ZFYVE9: variants seen among roughly 807,000 people sequenced by gnomAD.
ZFYVE9 encodes zinc finger FYVE domain-containing protein 9.
Under a neutral mutation model 126.7 loss-of-function variants are expected in ZFYVE9, and 43 were observed. That is an observed-to-expected ratio of 0.34 (90% CI 0.27 to 0.44). The LOEUF is 0.44. Among genes scored for constraint, ZFYVE9 ranks in the 20% least tolerant of loss-of-function variants. The pLI, the probability that ZFYVE9 is intolerant of heterozygous loss-of-function variation, is 1.00. For missense variants in ZFYVE9, 1,476 were observed against 1,697.0 expected (o/e 0.87, Z 2.29); for synonymous variants, 521 against 597.4 (o/e 0.87, Z 1.87).
At chr1:52,198,526 C>A (rs949973448) in intron 1 of ZFYVE9, among the ~76,000 whole-genome samples, 1 of 152,036 alleles carries the variant, frequency 6.6e-6, no homozygotes, top group Non-Finnish European at 1.5e-5. Context: ...AGAAACAATG[C>A]CCTAAATGCT....
chr1:52,343,222 G>A (rs1321607767), intron 17 of ZFYVE9, among the ~76,000 whole-genome samples: 5 of 151,736 alleles, frequency 3.3e-5, no homozygotes, highest in Admixed American at 6.6e-5. Flanking sequence ...GTGCCCGGCC[G>A]AGACAAATTA....
At chr1:52,308,051 CACAA>C (rs928087082) in intron 13 of ZFYVE9, among the ~76,000 whole-genome samples, 3 of 152,212 alleles carry the variant, frequency 2.0e-5, no homozygotes, top group Non-Finnish European at 4.4e-5. Context: ...TGTGCCCGGC[CACAA>C]ACAATTTTCC....
intron 13 of ZFYVE9, among the ~76,000 whole-genome samples, chr1:52,322,505 G>A (rs1369425992): frequency 1.3e-5 from 2 of 151,260 alleles, no homozygotes; most frequent in African/African-American, 4.9e-5. Flanking sequence ...AGCCTCCCGA[G>A]TAGCTGGGAC....
chr1:52,233,384 A>G (rs936927080), intron 3 of ZFYVE9, 108 bp downstream of exon 3: 1 of 610,788 alleles, frequency 1.6e-6, no homozygotes, highest in Non-Finnish European at 2.5e-6. Flanking sequence ...TGACTTAATG[A>G]TAGTAATATT....
intron 1 of ZFYVE9, among the ~76,000 whole-genome samples, chr1:52,184,365 T>TA (rs938461888): frequency 7.4e-5 from 11 of 148,074 alleles, no homozygotes; most frequent in African/African-American, 2.7e-4. Context: ...TAGCTGGGAG[T>TA]ACAGGCGCCT....
At chr1:52,342,343 G>A (rs916716995) in intron 17 of ZFYVE9, among the ~76,000 whole-genome samples, 1 of 144,550 alleles carries the variant, frequency 6.9e-6, no homozygotes, top group Admixed American at 7.2e-5. Flanking sequence ...TCGGCTCACT[G>A]CAAGCTCCGC....
At chr1:52,254,169 G>A in intron 4 of ZFYVE9, 1 of 633,720 alleles carries the variant, frequency 1.6e-6, no homozygotes, top group Non-Finnish European at 2.7e-6. Flanking sequence ...ATGATGTATT[G>A]TTCAATAAGG....
At chr1:52,302,594 T>C (rs1032985233) in intron 12 of ZFYVE9, among the ~76,000 whole-genome samples, 12 of 151,944 alleles carry the variant, frequency 7.9e-5, no homozygotes, top group African/African-American at 2.9e-4. Context: ...CTACTAAAAA[T>C]ACAAAAATTA....
intron 1 of ZFYVE9, among the ~76,000 whole-genome samples, chr1:52,197,371 T>C (rs1457353443): frequency 6.6e-6 from 1 of 152,148 alleles, no homozygotes; most frequent in Non-Finnish European, 1.5e-5. Flanking sequence ...ATGGAGACAT[T>C]GAGTAGGCAC....
intron 1 of ZFYVE9, among the ~76,000 whole-genome samples, chr1:52,148,488 CA>C (rs1035947679): frequency 4.0e-5 from 6 of 151,068 alleles, no homozygotes; most frequent in African/African-American, 1.5e-4. Flanking sequence ...AACTCCATCT[CA>C]AAAACAAAAA....
chr1:52,297,729 G>GTTTTGTTTTGC (rs59709396), intron 12 of ZFYVE9, among the ~76,000 whole-genome samples: 2 of 147,148 alleles, frequency 1.4e-5, no homozygotes, highest in African/African-American at 5.2e-5. Context: ...ATTTTGTTTT[G>GTTTTGTTTTGC]TTTTGTTTTT....
chr1:52,191,521 T>C (rs1160600260), intron 1 of ZFYVE9, among the ~76,000 whole-genome samples: 2 of 152,216 alleles, frequency 1.3e-5, no homozygotes, highest in African/African-American at 4.8e-5. Context: ...TAATGACATA[T>C]ATTTGTAGAA....
At chr1:52,336,947 T>TAAAAAAAAAA (rs71041896) in intron 15 of ZFYVE9, among the ~76,000 whole-genome samples, 16 of 107,844 alleles carry the variant, frequency 1.5e-4, no homozygotes, top group African/African-American at 5.1e-4. Context: ...AGTCATCTCT[T>TAAAAAAAAAA]AAAAAAAAAA....
intron 1 of ZFYVE9, among the ~76,000 whole-genome samples, chr1:52,182,808 A>G (rs986810582): frequency 3.3e-5 from 5 of 151,884 alleles, no homozygotes; most frequent in Non-Finnish European, 7.4e-5. Context: ...AAATTATAGT[A>G]TTTCCTTTAA....
chr1:52,204,458 G>T (rs541945355), intron 1 of ZFYVE9, among the ~76,000 whole-genome samples: 1 of 152,288 alleles, frequency 6.6e-6, no homozygotes, highest in East Asian at 1.9e-4. Flanking sequence ...GGCTGGGGTG[G>T]CACATGCCTG....
At chr1:52,157,504 T>A (rs1644414587) in intron 1 of ZFYVE9, among the ~76,000 whole-genome samples, 1 of 136,868 alleles carries the variant, frequency 7.3e-6, no homozygotes, top group Admixed American at 8.3e-5. Flanking sequence ...CGTGTTCAAG[T>A]GATTCTCCTG....
chr1:52,221,649 G>T (rs533244824), intron 2 of ZFYVE9, among the ~76,000 whole-genome samples: 1 of 152,200 alleles, frequency 6.6e-6, no homozygotes, highest in East Asian at 1.9e-4. Flanking sequence ...CACGGGTTAC[G>T]GGGTCAAGGA....
chr1:52,194,274 A>G (rs1318937490), intron 1 of ZFYVE9, among the ~76,000 whole-genome samples: 1 of 152,216 alleles, frequency 6.6e-6, no homozygotes, highest in Non-Finnish European at 1.5e-5. Flanking sequence ...TAATGTGTTC[A>G]TAATATTGGT....
chr1:52,196,374 G>A (rs554933571), intron 1 of ZFYVE9, among the ~76,000 whole-genome samples: 75 of 152,162 alleles, frequency 4.9e-4, no homozygotes, highest in African/African-American at 1.5e-3. Context: ...CCGGGCTCAC[G>A]CCTGTAATCC....
Sources: gnomAD v4.1 joint callset for allele counts (sites outside exome capture counted in the v4.1 genomes callset) on GRCh38, gnomAD v4.1.1 for gene constraint, MANE v1.5 for transcripts, NCBI Gene and HGNC (gene_info 2026-07-23, HGNC 2026-07-21) for gene names.